Variants in GCNT4 observed in about 807,000 individuals in gnomAD.
GCNT4 encodes the protein glucosaminyl (N-acetyl) transferase 4, also known as beta-1,3-galactosyl-O-glycosyl-glycoprotein beta-1,6-N-acetylglucosaminyltransferase 4.
A neutral mutation model predicts 31.3 loss-of-function variants in GCNT4; 17 were observed. The observed-to-expected ratio is 0.54, with a 90% CI of 0.37 to 0.81. GCNT4 has a LOEUF of 0.81. Ranked by LOEUF, GCNT4 falls within the 40% of genes least tolerant of loss-of-function variation. The probability of loss-of-function intolerance (pLI) is 0.00; values close to 1 mark genes in which losing one functional copy is unlikely to be tolerated. For missense variants in GCNT4, 503 were observed against 525.5 expected, an observed-to-expected ratio of 0.96 and a Z score of 0.42; for synonymous variants, 158 against 190.6, an observed-to-expected ratio of 0.83 and a Z score of 1.41.
At chr5:75,024,950 C>CAAAAAA (rs1239662355), downstream of GCNT4, among the ~76,000 whole-genome samples, 17 of 40,412 alleles carry the variant, frequency 4.2e-4, no homozygotes, top group Admixed American at 7.9e-4. Context: ...GACTCCATCT[C>CAAAAAA]AAAAAAAAAA....
chr5:75,037,718 A>G (rs1743229621), intron 3 of GCNT4, among the ~76,000 whole-genome samples: 1 of 151,958 alleles, frequency 6.6e-6, no homozygotes, highest in Non-Finnish European at 1.5e-5. Context: ...CTCTACTGAA[A>G]ATACAGAAAA....
chr5:75,050,325 T>C (rs1328767050), intron 2 of GCNT4, among the ~76,000 whole-genome samples: 1 of 152,178 alleles, frequency 6.6e-6, no homozygotes, highest in Admixed American at 6.5e-5. Flanking sequence ...ACCATCGCAA[T>C]CCAAGGGGGA....
In GCNT4 at chr5:75,029,832, T is replaced by C. The variant is rs1743024013; in HGVS notation, c.206A>G (p.Tyr69Cys). ...RYTHVKDEVR[Y>C]EVNCSGIYEQ... ...ATAGATACCCGAACAGTTAACTTCATACCTGACTTCATCCTTAACATGAGT... is the reference window on the plus strand; with the variant it reads ...ATAGATACCCGAACAGTTAACTTCACACCTGACTTCATCCTTAACATGAGT... The change falls in exon 4 of 4, where the codon TAT (tyrosine) becomes TGT (cysteine). Residue 69 changes from tyrosine to cysteine, a missense_variant. Tyr to Cys is a radical substitution (Grantham distance 194). Transcript: ENST00000652361. 6.2e-7 allele frequency: 1 copy of C among 1,614,162 alleles called. No individual in the cohort carries two copies.
intron 3 of GCNT4, among the ~76,000 whole-genome samples, chr5:75,042,382 T>TCC (rs1336963518): frequency 6.6e-6 from 1 of 152,216 alleles, no homozygotes; most frequent in Non-Finnish European, 1.5e-5. Flanking sequence ...TGCTTTTTTT[T>TCC]CCCCCTCAGA....
chr5:75,021,989 A>G (rs144162482), downstream of GCNT4, among the ~76,000 whole-genome samples: 1 of 152,290 alleles, frequency 6.6e-6, no homozygotes, highest in African/African-American at 2.4e-5. Flanking sequence ...TGTAAACTCT[A>G]TCTCTAGCCA....
chr5:75,036,356 A>G (rs989097572), intron 3 of GCNT4, among the ~76,000 whole-genome samples: 4 of 152,168 alleles, frequency 2.6e-5, no homozygotes, highest in Non-Finnish European at 4.4e-5. Context: ...CTATTATAAG[A>G]AAGGAAACTG....
chr5:75,049,595 G>A (rs142696807), intron 2 of GCNT4, among the ~76,000 whole-genome samples: 1 of 152,214 alleles, frequency 6.6e-6, no homozygotes, highest in South Asian at 2.1e-4. Flanking sequence ...GACATGCAAA[G>A]TAATGCAAAT....
In GCNT4 at chr5:75,029,956, A is replaced by G. The variant is rs762692966; in HGVS notation, c.82T>C (p.Leu28=). The G allele has an allele frequency of 6.2e-7, 1 of 1,613,926 alleles. No individual in the cohort carries two copies. Among genetic ancestry groups the G allele is most frequent in the African/African-American group, 1.3e-5 (1 of 74,914 alleles). Residue 28 remains leucine, a synonymous_variant, in exon 4 of 4, where the codon TTG becomes CTG. Coordinates refer to ENST00000652361, the MANE Select transcript of GCNT4 (RefSeq NM_001366737.1). ...ILFLTLWLLS[L]LKLLNVRRLF... ...CGTCTCACATTTAGAAGCTTTAACA[A>G]AGAGAGCAGCCATAGGGTTAAAAAC...
intron 3 of GCNT4, among the ~76,000 whole-genome samples, chr5:75,042,051 T>C (rs1388710721): frequency 6.6e-6 from 1 of 152,122 alleles, no homozygotes; most frequent in African/African-American, 2.4e-5. Flanking sequence ...ACATGAAACG[T>C]TTGCTTCTTT....
chr5:75,024,171 G>T (rs1411716537), downstream of GCNT4, among the ~76,000 whole-genome samples: 3 of 150,976 alleles, frequency 2.0e-5, no homozygotes, highest in African/African-American at 7.3e-5. Flanking sequence ...ATTTGTAGGT[G>T]CCAATGGGAA....
At chr5:75,042,525 G>A (rs1385672491) in intron 3 of GCNT4, among the ~76,000 whole-genome samples, 1 of 152,196 alleles carries the variant, frequency 6.6e-6, no homozygotes, top group Non-Finnish European at 1.5e-5. Context: ...TGCATTTAAA[G>A]TAGAATCTCC....
chr5:75,018,565 C>G, the GCNT4 span, among the ~76,000 whole-genome samples: 2 of 152,028 alleles, frequency 1.3e-5, no homozygotes, highest in Non-Finnish European at 2.9e-5. Context: ...GTGATCCCCC[C>G]CAAAGTGCTG....
At chr5:75,053,371 C>G (rs919694379), upstream of GCNT4, among the ~76,000 whole-genome samples, 1 of 152,090 alleles carries the variant, frequency 6.6e-6, no homozygotes, top group African/African-American at 2.4e-5. Context: ...GAGATGGACG[C>G]GGCGCCGAAG....
At chr5:75,049,647 G>A (rs1363141798) in intron 2 of GCNT4, among the ~76,000 whole-genome samples, 2 of 152,216 alleles carry the variant, frequency 1.3e-5, no homozygotes, top group African/African-American at 4.8e-5. Context: ...AGAAAAGTCT[G>A]TAAGCCTCAA....
chr5:75,042,372 T>C (rs1321596210), intron 3 of GCNT4, among the ~76,000 whole-genome samples: 1 of 152,228 alleles, frequency 6.6e-6, no homozygotes, highest in Non-Finnish European at 1.5e-5. Flanking sequence ...CTACATGGTA[T>C]GCTTTTTTTT....
rs1299858471 is a variant in GCNT4, at chr5:75,030,252, T to A, written c.-1-214A>T. ...GGTATTCTGTGTTAACTATACCTAA[T>A]TTTGAGAGATGTTGGTTTCCAAACA... is the stretch of plus-strand genomic sequence containing the variant. On this transcript the variant is annotated intron_variant, in intron 3 of 3. Transcript: ENST00000652361. 2.4e-5 allele frequency: 12 copies of A among 509,156 alleles called. No homozygotes were observed. In the East Asian group the frequency reaches 3.4e-4, roughly 14 times the overall value. 31.5% of individuals were successfully genotyped at this position (509,156 alleles called of 1,614,324 possible). A position where few individuals can be genotyped will look rare whatever the true frequency, so the allele number is the denominator to read the frequency against.
intron 3 of GCNT4, among the ~76,000 whole-genome samples, chr5:75,037,123 C>T (rs1011417590): frequency 6.6e-5 from 10 of 152,250 alleles, no homozygotes; most frequent in East Asian, 3.9e-4. Context: ...AATATAAAGA[C>T]GAACTCACTA....
In GCNT4 at chr5:75,029,071, C is replaced by A; in HGVS notation, c.967G>T (p.Asp323Tyr). The A allele has an allele frequency of 1.2e-6, 2 of 1,614,142 alleles. No homozygotes were observed. The highest frequency in any genetic ancestry group is 1.7e-6 in the Non-Finnish European group (2 of 1,180,016). Residue 323 changes from aspartate (D) to tyrosine (Y), a missense_variant, in exon 4 of 4, where the codon GAC (aspartate) becomes TAC (tyrosine). Coordinates refer to ENST00000652361, the MANE Select transcript of GCNT4 (RefSeq NM_001366737.1). ...GTGTCTTTAGACCAGGCAAAAAAGT[C>A]TTGAACGATGGAGTTGTTGAAAATA... ...KYIFNNSIVQDFFAWSKDTYS... is the reference protein window; with the variant it reads ...KYIFNNSIVQYFFAWSKDTYS...
chr5:75,046,039 CCTTT>C (rs1308471201), intron 3 of GCNT4, among the ~76,000 whole-genome samples: 3 of 152,142 alleles, frequency 2.0e-5, no homozygotes, highest in Non-Finnish European at 4.4e-5. Context: ...TGATGTTCTT[CCTTT>C]CTGAGGATCT....
Sources: allele counts gnomAD v4.1 joint callset (sites outside exome capture counted in the v4.1 genomes callset), GRCh38; gene constraint gnomAD v4.1.1; transcripts MANE v1.5; gene names NCBI Gene and HGNC (gene_info 2026-07-23, HGNC 2026-07-21).